FRAS1: variants seen among roughly 807,000 people sequenced by gnomAD.
The protein encoded by FRAS1 is extracellular matrix organizing protein FRAS1.
A neutral mutation model predicts 435.2 loss-of-function variants in FRAS1; 290 were observed. The observed-to-expected ratio is 0.67, with a 90% CI of 0.61 to 0.73. The LOEUF is 0.73. Among genes scored for constraint, FRAS1 ranks in the 30% least tolerant of loss-of-function variants. FRAS1 has a pLI of 0.00. For missense variants in FRAS1, 4,860 were observed against 5,001.5 expected (o/e 0.97, Z 0.85); for synonymous variants, 1,800 against 1,851.0 (o/e 0.97, Z 0.71).
chr4:78,114,065 G>T (rs1742953092), intron 2 of FRAS1, among the ~76,000 whole-genome samples: 1 of 152,114 alleles, frequency 6.6e-6, no homozygotes, highest in Non-Finnish European at 1.5e-5. Flanking sequence ...AGTTTTCCCA[G>T]CACCATTTAT....
At chr4:78,417,488 C>T (rs1733597504) in intron 32 of FRAS1, among the ~76,000 whole-genome samples, 1 of 152,160 alleles carries the variant, frequency 6.6e-6, no homozygotes, top group Non-Finnish European at 1.5e-5. Context: ...TGGAAAGTAA[C>T]ACCTTATATA....
intron 2 of FRAS1, among the ~76,000 whole-genome samples, chr4:78,118,148 A>T (rs1718767326): frequency 6.6e-6 from 1 of 152,176 alleles, no homozygotes; most frequent in African/African-American, 2.4e-5. Flanking sequence ...AACAGCAGAT[A>T]TTGGTGAACA....
chr4:78,447,362 C>CT lies in FRAS1; in HGVS notation c.6010+490dup, dbSNP rs1010622810. Among the ~76,000 whole-genome samples the CT allele has an allele frequency of 3.5e-4, 52 of 147,668 alleles. 1 individual carries two copies. Among genetic ancestry groups the CT allele is most frequent in the Non-Finnish European group, 2.1e-4 (14 of 67,076 alleles). ...CACTTTTGGGACCTTCTACCTACTT[C>CT]TTTTTTTTAAGAGCCATCTCTCCAG... On this transcript the variant is annotated intron_variant, in intron 43 of 73. Coordinates refer to ENST00000512123, the MANE Select transcript of FRAS1 (RefSeq NM_025074.7).
At chr4:78,479,775 A>G (rs1719956554) in intron 56 of FRAS1, 57 bp downstream of exon 56, 3 of 1,325,612 alleles carry the variant, frequency 2.3e-6, no homozygotes, top group South Asian at 1.6e-5. Context: ...TTTCTTGAGC[A>G]GTTTTCTCCT....
chr4:78,157,094 C>A lies in FRAS1; in HGVS notation c.109-80416C>A, dbSNP rs76954691. ...ATTGGCATTTTGTTTTCTGTTTCTG[C>A]GTTAATTCACCTAGGACAATGGCCT... On this transcript the variant is annotated intron_variant, in intron 2 of 73. Transcript: ENST00000512123. Among the ~76,000 whole-genome samples, 161 of 152,258 alleles carry A rather than the reference C, an allele frequency of 1.1e-3. 1 individual carries two copies. Among genetic ancestry groups the A allele is most frequent in the African/African-American group, 3.8e-3 (157 of 41,558 alleles).
chr4:78,140,065 A>G (rs1720093856), intron 2 of FRAS1, among the ~76,000 whole-genome samples: 1 of 152,194 alleles, frequency 6.6e-6, no homozygotes, highest in South Asian at 2.1e-4. Flanking sequence ...GAATAGTGTA[A>G]TGAACCCCCA....
chr4:78,283,468 C>T (rs1365245288), intron 12 of FRAS1, among the ~76,000 whole-genome samples: 1 of 152,204 alleles, frequency 6.6e-6, no homozygotes, highest in Non-Finnish European at 1.5e-5. Flanking sequence ...ACTTGTTCTG[C>T]AATTCTGCTT....
intron 5 of FRAS1, among the ~76,000 whole-genome samples, chr4:78,253,439 G>A (rs190664370): frequency 1.3e-5 from 2 of 152,184 alleles, no homozygotes; most frequent in Non-Finnish European, 2.9e-5. Context: ...GGGATTAAAA[G>A]ATTAAAGACA....
At chr4:78,216,002 T>C (rs796877338) in intron 2 of FRAS1, among the ~76,000 whole-genome samples, 3 of 152,354 alleles carry the variant, frequency 2.0e-5, no homozygotes, top group African/African-American at 7.2e-5. Context: ...TTTCATTGGT[T>C]GAGTCCTCTC....
At chr4:78,435,504 C>T (rs1461736784) in intron 38 of FRAS1, among the ~76,000 whole-genome samples, 6 of 152,032 alleles carry the variant, frequency 3.9e-5, no homozygotes, top group African/African-American at 9.7e-5. Flanking sequence ...TTTGGGAGGA[C>T]GAGGCATGTA....
At chr4:78,097,639 A>G (rs1741877220) in intron 2 of FRAS1, among the ~76,000 whole-genome samples, 1 of 150,400 alleles carries the variant, frequency 6.6e-6, no homozygotes, top group South Asian at 2.1e-4. Context: ...AAACCATCAG[A>G]TCATATGAGA....
intron 4 of FRAS1, among the ~76,000 whole-genome samples, chr4:78,248,985 T>C (rs1189292858): frequency 6.9e-6 from 1 of 145,626 alleles, no homozygotes; most frequent in Non-Finnish European, 1.5e-5. Context: ...TTTACAGAGC[T>C]CTCTTTGCTA....
At chr4:78,532,026 A>C (rs923104234) in intron 70 of FRAS1, among the ~76,000 whole-genome samples, 12 of 152,210 alleles carry the variant, frequency 7.9e-5, no homozygotes, top group African/African-American at 2.9e-4. Context: ...TAGCCTGTTA[A>C]CAAAGTCCCC....
intron 20 of FRAS1, 32 bp from the exon 21 acceptor site, chr4:78,363,481 G>A (rs376414155): frequency 2.7e-5 from 43 of 1,585,472 alleles, no homozygotes; most frequent in Middle Eastern, 1.8e-4. Context: ...ATGAGCACCC[G>A]TGCCTTCTCT....
intron 59 of FRAS1, among the ~76,000 whole-genome samples, chr4:78,495,004 AT>A (rs1301741804): frequency 6.6e-6 from 1 of 152,210 alleles, no homozygotes; most frequent in Non-Finnish European, 1.5e-5. Flanking sequence ...AACGAGCATT[AT>A]TCATCTTTTG....
At chr4:78,473,172 C>T (rs1488710503) in intron 52 of FRAS1, among the ~76,000 whole-genome samples, 6 of 152,202 alleles carry the variant, frequency 3.9e-5, no homozygotes, top group Middle Eastern at 3.4e-3. Context: ...TGTCAGGACC[C>T]TGGGATTCTC....
chr4:78,156,447 A>G (rs551018688), intron 2 of FRAS1, among the ~76,000 whole-genome samples: 1 of 151,946 alleles, frequency 6.6e-6, no homozygotes, highest in South Asian at 2.1e-4. Flanking sequence ...AAACAATCCA[A>G]TTAACACAAC....
At chr4:78,503,151 A>G (rs1398586304) in intron 61 of FRAS1, among the ~76,000 whole-genome samples, 1 of 152,242 alleles carries the variant, frequency 6.6e-6, no homozygotes, top group Non-Finnish European at 1.5e-5. Context: ...ATTGATGGTC[A>G]TCAGGGATAT....
intron 2 of FRAS1, among the ~76,000 whole-genome samples, chr4:78,217,234 C>G (rs1312457698): frequency 6.6e-6 from 1 of 152,188 alleles, no homozygotes; most frequent in Non-Finnish European, 1.5e-5. Context: ...TGCCCTCCCT[C>G]ATTGATCTTG....
Sources: allele counts gnomAD v4.1 joint callset (sites outside exome capture counted in the v4.1 genomes callset), GRCh38; gene constraint gnomAD v4.1.1; transcripts MANE v1.5; gene names NCBI Gene and HGNC (gene_info 2026-07-23, HGNC 2026-07-21).